The following PDS5A variants were observed in gnomAD, a reference collection of about 807,000 sequenced individuals.
The protein encoded by PDS5A is PDS5 cohesin associated factor A.
In PDS5A, 42 loss-of-function variants were observed where a neutral mutation model predicts 167.1. That is an observed-to-expected ratio of 0.25 (90% CI 0.20 to 0.33). The LOEUF (loss-of-function observed/expected upper bound fraction) is 0.33, where lower values mean the gene tolerates loss of function less well. Ranked by LOEUF, PDS5A falls within the 10% of genes least tolerant of loss-of-function variation. The probability of loss-of-function intolerance (pLI) is 1.00; values close to 1 mark genes in which losing one functional copy is unlikely to be tolerated. For synonymous variants in PDS5A, 553 were observed against 554.6 expected (o/e 1.00, Z 0.04); for missense variants, 1,033 against 1,605.9 (o/e 0.64, Z 6.10).
intron 27 of PDS5A, 105 bp downstream of exon 27, chr4:39,849,415 A>G (rs1166181867): frequency 2.7e-6 from 2 of 742,532 alleles, no homozygotes; most frequent in East Asian, 5.0e-5. Context: ...AAACATTCTA[A>G]AATTTAAATT....
chr4:39,894,071 C>G (rs1419951112), intron 16 of PDS5A, among the ~76,000 whole-genome samples: 1 of 152,138 alleles, frequency 6.6e-6, no homozygotes, highest in Non-Finnish European at 1.5e-5. Flanking sequence ...CCAAAGAAGT[C>G]AATGAAACTT....
At chr4:39,842,581 T>C (rs1157638948) in intron 30 of PDS5A, among the ~76,000 whole-genome samples, 3 of 152,132 alleles carry the variant, frequency 2.0e-5, no homozygotes, top group Non-Finnish European at 4.4e-5. Flanking sequence ...AGTTTATTCT[T>C]AAGATTTCAT....
chr4:39,858,516 G>T (rs1718719387), intron 26 of PDS5A, among the ~76,000 whole-genome samples: 1 of 152,092 alleles, frequency 6.6e-6, no homozygotes, highest in Non-Finnish European at 1.5e-5. Context: ...ACAAACAAAA[G>T]AATGAATCTG....
chr4:39,843,538 C>A (rs181675800), intron 30 of PDS5A, among the ~76,000 whole-genome samples: 360 of 151,172 alleles, frequency 2.4e-3, no homozygotes, highest in African/African-American at 8.6e-3. Flanking sequence ...ATGGTGACAC[C>A]CTGTCTCTAC....
intron 2 of PDS5A, among the ~76,000 whole-genome samples, chr4:39,966,871 T>A (rs1578844879): frequency 6.8e-6 from 1 of 145,986 alleles, no homozygotes; most frequent in African/African-American, 2.5e-5. Context: ...TAGTGGTGGG[T>A]GCCTGTAATC....
rs138475147 is a variant in PDS5A, at chr4:39,886,694, C to T, written c.1886+3555G>A. ...CGCCATTGCACTCCAGCCTGGGCAA[C>T]AAGAGTGAAACACCATCTCAAAAAA... On this transcript the variant is annotated intron_variant, in intron 17 of 32. Coordinates refer to ENST00000303538, the MANE Select transcript of PDS5A (RefSeq NM_001100399.2). 9.1e-4 allele frequency among the ~76,000 whole-genome samples: 137 copies of T among 150,664 alleles called. 1 individual carries two copies. Among genetic ancestry groups the T allele is most frequent in the African/African-American group, 3.3e-3 (135 of 40,982 alleles).
At chr4:39,959,265 C>A (rs1021943149) in intron 2 of PDS5A, among the ~76,000 whole-genome samples, 5 of 152,192 alleles carry the variant, frequency 3.3e-5, no homozygotes, top group African/African-American at 9.7e-5. Context: ...CACAATGCCA[C>A]TACTTTAGTA....
chr4:39,929,518 A>AATATATATATATATAT (rs1725770084), intron 2 of PDS5A, among the ~76,000 whole-genome samples: 4 of 22,766 alleles, frequency 1.8e-4, no homozygotes, highest in Admixed American at 1.4e-3. Flanking sequence ...TACTTAATAA[A>AATATATATATATATAT]CTATATATAT....
chr4:39,926,695 TTTACA>T, intron 4 of PDS5A, 75 bp downstream of exon 4: 1 of 999,902 alleles, frequency 1.0e-6, no homozygotes, highest in Non-Finnish European at 1.4e-6. Flanking sequence ...AAACACTCAT[TTTACA>T]TTACAAAGTT....
chr4:39,857,567 A>C (rs1357719909), intron 26 of PDS5A, among the ~76,000 whole-genome samples: 1 of 152,178 alleles, frequency 6.6e-6, no homozygotes, highest in Non-Finnish European at 1.5e-5. Flanking sequence ...GGATGTAAAG[A>C]TATTTCATGT....
chr4:39,845,898 G>T lies in PDS5A; in HGVS notation c.3340-18C>A. The stretch of plus-strand genomic sequence containing the variant: ...CAGAAGTCCTATTAAAAAAAAAAAA[G>T]AAAAAGAAAAAAGAAACACCAATCA... On this transcript the variant is annotated intron_variant, in intron 28 of 32. Transcript: ENST00000303538. The T allele has an allele frequency of 7.9e-7, 1 of 1,258,070 alleles. No homozygotes were observed. Among genetic ancestry groups the T allele is most frequent in the Non-Finnish European group, 1.0e-6 (1 of 972,824 alleles). The allele number at this position is 1,258,070 out of a possible 1,614,324, so 77.9% of individuals were successfully genotyped here.
At chr4:39,953,221 G>C (rs1728580173) in intron 2 of PDS5A, among the ~76,000 whole-genome samples, 1 of 152,164 alleles carries the variant, frequency 6.6e-6, no homozygotes, top group Non-Finnish European at 1.5e-5. Context: ...CAGTGAAGCT[G>C]AGTTTGTCAC....
At chr4:39,870,227 C>A (rs555530491) in intron 21 of PDS5A, among the ~76,000 whole-genome samples, 5 of 152,188 alleles carry the variant, frequency 3.3e-5, no homozygotes, top group Admixed American at 2.6e-4. Flanking sequence ...AATCAAATAT[C>A]TCAATTTAAT....
chr4:39,878,735 T>A (rs7679796), intron 18 of PDS5A, among the ~76,000 whole-genome samples: 3,774 of 152,078 alleles, frequency 0.025, 160 homozygotes, highest in East Asian at 0.18. Context: ...TCAATTCTAT[T>A]AATGAAATGA....
chr4:39,932,503 T>C (rs891966694), intron 2 of PDS5A: 20 of 227,946 alleles, frequency 8.8e-5, no homozygotes, highest in East Asian at 6.8e-4. Flanking sequence ...CCTGATGCCA[T>C]GTATGTCAAA....
In PDS5A at chr4:39,823,833, C is replaced by A. The variant is rs1397901764; in HGVS notation, c.*1652G>T. The stretch of plus-strand genomic sequence containing the variant: ...TGTAAATGCATATTTAAAATAATTA[C>A]CCATCTTTCAGTCAATACACAGCCA... On this transcript the variant is annotated 3_prime_UTR_variant, in exon 33 of 33. Coordinates refer to ENST00000303538, the MANE Select transcript of PDS5A (RefSeq NM_001100399.2). 6.6e-6 allele frequency: 1 copy of A among 152,584 alleles called. No homozygotes were observed. Among genetic ancestry groups the A allele is most frequent in the Non-Finnish European group, 1.5e-5 (1 of 68,036 alleles). 9.5% of individuals were successfully genotyped at this position (152,584 alleles called of 1,614,324 possible).
intron 18 of PDS5A, among the ~76,000 whole-genome samples, chr4:39,878,502 C>A (rs973500881): frequency 1.3e-5 from 2 of 151,792 alleles, no homozygotes; most frequent in Non-Finnish European, 2.9e-5. Context: ...GAGGCTGAGG[C>A]AGGAGAATGG....
Position 39,922,609 on chromosome 4 carries a change from A to C in PDS5A, c.654+13T>G. ...TTAAACATTAACCTTGAATATCTTC[A>C]TACTTTACAGACCTTATGTGCAGGA... On this transcript the variant is annotated intron_variant, in intron 6 of 32. Coordinates refer to ENST00000303538, the MANE Select transcript of PDS5A (RefSeq NM_001100399.2). 6.5e-7 allele frequency: 1 copy of C among 1,541,988 alleles called. No individual in the cohort carries two copies. Among genetic ancestry groups the C allele is most frequent in the Non-Finnish European group, 8.7e-7 (1 of 1,144,908 alleles).
At chr4:39,972,701 A>AT (rs1168553852) in intron 2 of PDS5A, among the ~76,000 whole-genome samples, 3 of 151,232 alleles carry the variant, frequency 2.0e-5, no homozygotes, top group South Asian at 2.1e-4. Flanking sequence ...TGTTTAAGGA[A>AT]TTTTTTATTA....
Sources: gnomAD v4.1 joint callset for allele counts (sites outside exome capture counted in the v4.1 genomes callset) on GRCh38, gnomAD v4.1.1 for gene constraint, MANE v1.5 for transcripts, NCBI Gene and HGNC (gene_info 2026-07-23, HGNC 2026-07-21) for gene names.